LRRC37A2: variants seen among roughly 807,000 people sequenced by gnomAD.
LRRC37A2 encodes leucine-rich repeat-containing protein 37A2.
LRRC37A2 carries 9 observed loss-of-function variants against 68.8 expected under a neutral mutation model. The observed-to-expected ratio is 0.13, with a 90% CI of 0.08 to 0.23. The LOEUF (loss-of-function observed/expected upper bound fraction) is 0.23, where lower values mean the gene tolerates loss of function less well. Ranked by LOEUF, LRRC37A2 falls within the 10% of genes least tolerant of loss-of-function variation. The pLI is 1.00. For missense variants in LRRC37A2, 168 were observed against 950.4 expected (o/e 0.18, Z 10.82); for synonymous variants, 63 against 367.6 (o/e 0.17, Z 9.48).
At chr17:46,835,057 C>T in the LRRC37A2 span, among the ~76,000 whole-genome samples, 9 of 152,138 alleles carry the variant, frequency 5.9e-5, no homozygotes, top group South Asian at 6.2e-4. Context: ...CGCAGTAGTG[C>T]GATCAGTGCT....
At chr17:46,439,278 G>A in the LRRC37A2 span, among the ~76,000 whole-genome samples, 1 of 100,524 alleles carries the variant, frequency 9.9e-6, no homozygotes, top group Admixed American at 1.1e-4. Context: ...AGATGAATAA[G>A]AAGAATAAAA....
the LRRC37A2 span, among the ~76,000 whole-genome samples, chr17:46,398,420 TCAGAATTGTAAAGAGTTTTA>T: frequency 6.6e-6 from 1 of 151,604 alleles, no homozygotes; most frequent in African/African-American, 2.4e-5. Flanking sequence ...TTCCAGCAGT[TCAGAATTGTAAAGAGTTTTA>T]CAGAATTGTA....
the LRRC37A2 span, chr17:46,939,950 C>CA: frequency 9.9e-7 from 1 of 1,007,810 alleles, no homozygotes; most frequent in Non-Finnish European, 1.2e-6. Flanking sequence ...GCCCTGGGCA[C>CA]AGCAGCTTCA....
At chr17:46,736,072 T>C in the LRRC37A2 span, among the ~76,000 whole-genome samples, 3 of 152,206 alleles carry the variant, frequency 2.0e-5, no homozygotes, top group African/African-American at 7.2e-5. Flanking sequence ...AGCTCCCACT[T>C]TGGAATGCCT....
the LRRC37A2 span, among the ~76,000 whole-genome samples, chr17:46,969,402 C>T: frequency 7.2e-5 from 11 of 152,280 alleles, no homozygotes; most frequent in East Asian, 2.1e-3. Context: ...AAGGAGGCAG[C>T]CTTCAAATGC....
At chr17:46,902,052 C>T in the LRRC37A2 span, among the ~76,000 whole-genome samples, 1 of 152,180 alleles carries the variant, frequency 6.6e-6, no homozygotes, top group African/African-American at 2.4e-5. Flanking sequence ...AGGTGATCCA[C>T]CCACCTTGGC....
chr17:46,770,464 G>A, the LRRC37A2 span, among the ~76,000 whole-genome samples: 3 of 152,154 alleles, frequency 2.0e-5, no homozygotes, highest in Non-Finnish European at 4.4e-5. Context: ...ACGCCTGAGT[G>A]AGATCCAGGT....
At chr17:46,569,193 C>G in the LRRC37A2 span, among the ~76,000 whole-genome samples, 1 of 151,754 alleles carries the variant, frequency 6.6e-6, no homozygotes, top group African/African-American at 2.4e-5. Flanking sequence ...GGTGATCCAC[C>G]AGCCTTGGCT....
the LRRC37A2 span, among the ~76,000 whole-genome samples, chr17:46,761,862 G>A: frequency 5.1e-4 from 78 of 152,312 alleles, no homozygotes; most frequent in Middle Eastern, 3.4e-3. Context: ...CTTCCAGTGG[G>A]TCCTGTGAAG....
At chr17:46,850,206 T>G in the LRRC37A2 span, among the ~76,000 whole-genome samples, 1 of 152,232 alleles carries the variant, frequency 6.6e-6, no homozygotes, top group African/African-American at 2.4e-5. Context: ...ATCATCCATA[T>G]TTCATATGGG....
the LRRC37A2 span, among the ~76,000 whole-genome samples, chr17:46,795,434 A>T: frequency 6.6e-6 from 1 of 152,038 alleles, no homozygotes; most frequent in Admixed American, 6.5e-5. Context: ...GTCTGAGAAG[A>T]CCAGCCGGCC....
At chr17:46,952,241 C>T in the LRRC37A2 span, among the ~76,000 whole-genome samples, 6 of 152,294 alleles carry the variant, frequency 3.9e-5, no homozygotes, top group African/African-American at 1.4e-4. Flanking sequence ...CGGGACTCAG[C>T]GAGGGCTGCC....
chr17:46,765,367 G>C, the LRRC37A2 span, among the ~76,000 whole-genome samples: 1 of 152,230 alleles, frequency 6.6e-6, no homozygotes, highest in Admixed American at 6.5e-5. Context: ...GCAGAGTGAC[G>C]AGGAATAAAT....
the LRRC37A2 span, chr17:46,938,878 A>G: frequency 5.1e-6 from 8 of 1,568,164 alleles, no homozygotes; most frequent in Non-Finnish European, 6.0e-6. Flanking sequence ...TGAACTGTGA[A>G]GACACTTGGG....
chr17:46,615,720 A>C, the LRRC37A2 span, among the ~76,000 whole-genome samples: 2 of 49,514 alleles, frequency 4.0e-5, no homozygotes, highest in African/African-American at 2.0e-4. Context: ...TTGCCTCACA[A>C]AAAAAAAAAA....
chr17:46,966,335 G>T, the LRRC37A2 span, among the ~76,000 whole-genome samples: 1 of 152,204 alleles, frequency 6.6e-6, no homozygotes, highest in Non-Finnish European at 1.5e-5. Flanking sequence ...CCAGGGTGCA[G>T]TGCAGTGGCA....
At chr17:46,896,452 A>AAGAAAGAGAGAGAAAGAAAG in the LRRC37A2 span, among the ~76,000 whole-genome samples, 2 of 65,834 alleles carry the variant, frequency 3.0e-5, no homozygotes, top group Non-Finnish European at 6.4e-5. Context: ...GAAAGAAAGA[A>AAGAAAGAGAGAGAAAGAAAG]AAAGAAAGAA....
the LRRC37A2 span, among the ~76,000 whole-genome samples, chr17:46,889,825 A>G: frequency 6.6e-6 from 1 of 152,192 alleles, no homozygotes; most frequent in Non-Finnish European, 1.5e-5. Flanking sequence ...CTTTGCACTC[A>G]GGGCTGACAT....
chr17:46,755,894 G>A, the LRRC37A2 span: 75 of 1,469,884 alleles, frequency 5.1e-5, no homozygotes, highest in African/African-American at 9.2e-4. Context: ...GATCTTCACT[G>A]TCTTACTCAA....
Sources: allele counts gnomAD v4.1 joint callset (sites outside exome capture counted in the v4.1 genomes callset), GRCh38; gene constraint gnomAD v4.1.1; transcripts MANE v1.5; gene names NCBI Gene and HGNC (gene_info 2026-07-23, HGNC 2026-07-21).